PPIP5K2: variants seen among roughly 807,000 people sequenced by gnomAD.
PPIP5K2 encodes the protein inositol hexakisphosphate and diphosphoinositol-pentakisphosphate kinase 2.
PPIP5K2 carries 105 observed loss-of-function variants against 154.6 expected under a neutral mutation model. The ratio of observed to expected loss-of-function variants is 0.68; its 90% CI spans 0.58 to 0.80. The LOEUF (loss-of-function observed/expected upper bound fraction) is 0.80. Ranked by LOEUF, PPIP5K2 falls within the 30% of genes least tolerant of loss-of-function variation. The pLI, the probability that PPIP5K2 is intolerant of heterozygous loss-of-function variation, is 0.00. For missense variants in PPIP5K2, 992 were observed against 1,504.6 expected (o/e 0.66, Z 5.64); for synonymous variants, 480 against 490.3 (o/e 0.98, Z 0.28).
chr5:103,196,838 A>G (rs554720650), intron 30 of PPIP5K2, among the ~76,000 whole-genome samples: 34 of 152,214 alleles, frequency 2.2e-4, no homozygotes, highest in Admixed American at 1.6e-3. Context: ...TTCTCTGAGG[A>G]AAAAAACATA....
chr5:103,194,807 G>A (rs1801802898), intron 29 of PPIP5K2, 93 bp from the exon 30 acceptor site: 4 of 1,355,010 alleles, frequency 3.0e-6, no homozygotes, highest in Admixed American at 2.3e-5. Context: ...ATGAATATTC[G>A]TAGGGTCACT....
intron 8 of PPIP5K2, among the ~76,000 whole-genome samples, chr5:103,151,030 T>C (rs1794572505): frequency 1.3e-5 from 2 of 151,924 alleles, no homozygotes; most frequent in Non-Finnish European, 2.9e-5. Flanking sequence ...TACATCTACT[T>C]TATGATGAAA....
At chr5:103,146,468 G>A (rs1272396049) in intron 5 of PPIP5K2, 59 bp from the exon 6 acceptor site, 1 of 1,531,624 alleles carries the variant, frequency 6.5e-7, no homozygotes, top group South Asian at 1.2e-5. Flanking sequence ...TAATAATGTG[G>A]TGTCCTGATA....
At chr5:103,162,088 G>T (rs1395756051) in intron 17 of PPIP5K2, among the ~76,000 whole-genome samples, 1 of 151,974 alleles carries the variant, frequency 6.6e-6, no homozygotes, top group Admixed American at 6.6e-5. Flanking sequence ...TCCATTCTTG[G>T]GATTCTCAGA....
intron 17 of PPIP5K2, among the ~76,000 whole-genome samples, chr5:103,166,780 T>C (rs1797181302): frequency 6.6e-6 from 1 of 151,908 alleles, no homozygotes; most frequent in Admixed American, 6.6e-5. Flanking sequence ...GAAAATGTTA[T>C]TAAGAAAATT....
chr5:103,197,482 A>C (rs1483239498), intron 30 of PPIP5K2, among the ~76,000 whole-genome samples: 13 of 150,124 alleles, frequency 8.7e-5, no homozygotes, highest in African/African-American at 2.4e-4. Context: ...GATCATTCTC[A>C]CTAGGGATTT....
Position 103,190,875 on chromosome 5 carries a change from G to T in PPIP5K2, c.3386G>T (p.Cys1129Phe). ...FELYSMVPSI[C>F]PLETLHNALS... is the part of the protein sequence containing the mutation. ...TTGTATTCCATGGTGCCATCTATTT[G>T]TCCTCTAGAAACTCTTCATAATGCC... The change falls in exon 29 of 31, where the codon TGT becomes TTT. Residue 1129 changes from cysteine (C) to phenylalanine (F), a missense_variant. By Grantham distance (205) the Cys-to-Phe change is radical. Coordinates refer to ENST00000358359, the MANE Select transcript of PPIP5K2 (RefSeq NM_001276277.3). The T allele has an allele frequency of 1.2e-6, 2 of 1,602,206 alleles. No homozygotes were observed. Among genetic ancestry groups the T allele is most frequent in the Non-Finnish European group, 1.7e-6 (2 of 1,173,936 alleles).
intron 24 of PPIP5K2, 25 bp from the exon 25 acceptor site, chr5:103,183,209 T>TTC: frequency 1.4e-6 from 1 of 709,582 alleles, no homozygotes; most frequent in African/African-American, 2.1e-5. Context: ...TTTTTTTTTT[T>TTC]TTTTGCCCCC....
chr5:103,207,269 G>A lies in PPIP5K2; in HGVS notation c.*5635G>A, dbSNP rs782282936. The A allele has an allele frequency of 6.6e-6, 1 of 152,182 alleles. No individual in the cohort carries two copies. Among genetic ancestry groups the A allele is most frequent in the Non-Finnish European group, 1.5e-5 (1 of 68,058 alleles). 9.4% of individuals were successfully genotyped at this position (152,182 alleles called of 1,614,324 possible). A position where few individuals can be genotyped will look rare whatever the true frequency, so the allele number is the denominator to read the frequency against. ...TGGAACATATCTCCTCACCCTAAATGCCAGCAGCATCGCCTCCAAACTGTG... is the reference window on the plus strand; with the variant it reads ...TGGAACATATCTCCTCACCCTAAATACCAGCAGCATCGCCTCCAAACTGTG... On this transcript the variant is annotated 3_prime_UTR_variant, in exon 31 of 31. Transcript: ENST00000358359.
intron 7 of PPIP5K2, among the ~76,000 whole-genome samples, chr5:103,148,647 C>T (rs1794113336): frequency 6.6e-6 from 1 of 152,100 alleles, no homozygotes; most frequent in Admixed American, 6.6e-5. Flanking sequence ...CTCTCTTTGT[C>T]TTATAAACCT....
intron 7 of PPIP5K2, among the ~76,000 whole-genome samples, chr5:103,148,941 C>T (rs2149550443): frequency 6.6e-6 from 1 of 152,164 alleles, no homozygotes; most frequent in Non-Finnish European, 1.5e-5. Flanking sequence ...GAGAATGAAA[C>T]TTCACTTTAC....
At chr5:103,167,769 A>C (rs1554218362) in intron 18 of PPIP5K2, among the ~76,000 whole-genome samples, 1 of 151,894 alleles carries the variant, frequency 6.6e-6, no homozygotes, top group Non-Finnish European at 1.5e-5. Flanking sequence ...ATGTGAGTCT[A>C]ATAAGAATAA....
intron 17 of PPIP5K2, among the ~76,000 whole-genome samples, chr5:103,161,058 A>G (rs1346121510): frequency 1.3e-5 from 2 of 151,234 alleles, no homozygotes; most frequent in Non-Finnish European, 2.9e-5. Context: ...TGCTGCACCC[A>G]TTAACTCGTC....
intron 11 of PPIP5K2, among the ~76,000 whole-genome samples, chr5:103,154,211 T>G (rs1411101838): frequency 1.3e-5 from 2 of 152,018 alleles, no homozygotes; most frequent in African/African-American, 4.8e-5. Context: ...ATCACTCTCT[T>G]GTATTGCATT....
In PPIP5K2 at chr5:103,210,202, A is replaced by G. The variant is rs1472925055; in HGVS notation, c.*8568A>G. 3 of 152,208 alleles carry G rather than the reference A, an allele frequency of 2.0e-5. No homozygotes were observed. The highest frequency in any genetic ancestry group is 6.6e-5 in the Admixed American group (1 of 15,262). The allele number at this position is 152,208 out of a possible 1,614,324, so 9.4% of individuals were successfully genotyped here. On this transcript the variant is annotated 3_prime_UTR_variant, in exon 31 of 31. Transcript: ENST00000358359. ...TACTTTTCAAAGTGAAAACTGATCA[A>G]TTCACAACTCAAGGAAAGCATGGAG...
In PPIP5K2 at chr5:103,202,974, A is replaced by G. The variant is rs141517487; in HGVS notation, c.*1340A>G. 3.3e-4 allele frequency: 51 copies of G among 152,716 alleles called. No individual in the cohort carries two copies. In the East Asian group the frequency reaches 9.4e-3, roughly 28 times the overall value. 9.5% of individuals were successfully genotyped at this position (152,716 alleles called of 1,614,324 possible). On this transcript the variant is annotated 3_prime_UTR_variant, in exon 31 of 31. Coordinates refer to ENST00000358359, the MANE Select transcript of PPIP5K2 (RefSeq NM_001276277.3). ...TTAACTTATAGGAAATAAGCATACT[A>G]TATGTTAGCTGTTTTAAAAGGTACC...
chr5:103,172,124 T>TA (rs1210403831), intron 19 of PPIP5K2, among the ~76,000 whole-genome samples: 4 of 151,370 alleles, frequency 2.6e-5, no homozygotes, highest in East Asian at 1.9e-4. Context: ...ATAACAAATT[T>TA]AAAAAAAAAT....
rs1185564636 is a variant in PPIP5K2, at chr5:103,211,898, G to A, written c.*10264G>A. On this transcript the variant is annotated 3_prime_UTR_variant, in exon 31 of 31. Transcript: ENST00000358359. Reference sequence around the variant, plus strand: ...GAAATATAGATAAAATATTTATTTTGGAAATATATGTTACAGGTGAAAAGC... The same window carrying A: ...GAAATATAGATAAAATATTTATTTTAGAAATATATGTTACAGGTGAAAAGC... 6.6e-6 allele frequency: 1 copy of A among 152,002 alleles called. No homozygotes were observed. Among genetic ancestry groups the A allele is most frequent in the Non-Finnish European group, 1.5e-5 (1 of 67,954 alleles). The allele number at this position is 152,002 out of a possible 1,614,324, so 9.4% of individuals were successfully genotyped here.
chr5:103,182,893 A>G (rs1799760338), intron 24 of PPIP5K2, among the ~76,000 whole-genome samples: 1 of 152,146 alleles, frequency 6.6e-6, no homozygotes, highest in Non-Finnish European at 1.5e-5. Context: ...GTTGCTAAAA[A>G]AAGAAACTTA....
Sources: gnomAD v4.1 joint callset for allele counts (sites outside exome capture counted in the v4.1 genomes callset) on GRCh38, gnomAD v4.1.1 for gene constraint, MANE v1.5 for transcripts, NCBI Gene and HGNC (gene_info 2026-07-23, HGNC 2026-07-21) for gene names.